The following ALS2 variants were observed in gnomAD, a reference collection of about 807,000 sequenced individuals.
ALS2 encodes the protein alsin.
In ALS2, 117 loss-of-function variants were observed where a neutral mutation model predicts 203.4. That is an observed-to-expected ratio of 0.58 (90% confidence interval 0.50 to 0.67). The LOEUF is 0.67. Among genes scored for constraint, ALS2 ranks in the 30% least tolerant of loss-of-function variants. The pLI, the probability that ALS2 is intolerant of heterozygous loss-of-function variation, is 0.00. For synonymous variants in ALS2, 718 were observed against 725.9 expected (o/e 0.99, Z 0.17); for missense variants, 1,715 against 1,989.4 (o/e 0.86, Z 2.62).
At chr2:201,769,014 A>C (rs1694244525) in intron 1 of ALS2, 69 bp from the exon 2 acceptor site, 3 of 752,368 alleles carry the variant, frequency 4.0e-6, no homozygotes, top group Non-Finnish European at 6.5e-6. Context: ...AAAAAAAAAA[A>C]AGCAGCCCTC....
chr2:201,708,049 A>T, intron 27 of ALS2, 58 bp from the exon 28 acceptor site: 1 of 1,511,842 alleles, frequency 6.6e-7, no homozygotes, highest in Admixed American at 1.7e-5. Context: ...GTTGAAAAGC[A>T]TAAAAACACA....
intron 8 of ALS2, among the ~76,000 whole-genome samples, chr2:201,747,462 C>CT (rs35304479): frequency 2.0e-3 from 267 of 133,682 alleles, no homozygotes; most frequent in East Asian, 4.1e-3. Flanking sequence ...CACTCGGTCG[C>CT]TTTTTTTTTT....
chr2:201,778,864 C>T lies in ALS2; in HGVS notation c.-61+2013G>A, dbSNP rs185278052. Among the ~76,000 whole-genome samples the T allele has an allele frequency of 4.3e-3, 657 of 152,262 alleles. 4 individuals carry two copies. The highest frequency in any genetic ancestry group is 7.3e-3 in the Non-Finnish European group (493 of 67,996). On this transcript the variant is annotated intron_variant, in intron 1 of 33. Coordinates refer to ENST00000264276, the MANE Select transcript of ALS2 (RefSeq NM_020919.4). ...GGTACCTCATAGTACCCAAAGCGGG[C>T]CTTCCTTTATACAAGCTTAAAAATC... is the stretch of plus-strand genomic sequence containing the variant.
At chr2:201,733,106 T>G (rs1322592663) in intron 13 of ALS2, among the ~76,000 whole-genome samples, 170 bp downstream of exon 13, 3 of 152,230 alleles carry the variant, frequency 2.0e-5, no homozygotes, top group Non-Finnish European at 4.4e-5. Flanking sequence ...AAACTCAATT[T>G]ATCTACAGTC....
At chr2:201,748,462 C>A (rs971424200) in intron 8 of ALS2, among the ~76,000 whole-genome samples, 3 of 152,096 alleles carry the variant, frequency 2.0e-5, no homozygotes, top group African/African-American at 7.2e-5. Flanking sequence ...AATAAAAAAA[C>A]CAAGCTCCCA....
intron 12 of ALS2, among the ~76,000 whole-genome samples, chr2:201,736,025 A>C (rs1017585975): frequency 6.6e-6 from 1 of 152,152 alleles, no homozygotes; most frequent in Non-Finnish European, 1.5e-5. Context: ...TTTCACCAAC[A>C]TTATAGGTTA....
At chr2:201,718,647 A>C (rs898481122) in intron 23 of ALS2, among the ~76,000 whole-genome samples, 1 of 152,076 alleles carries the variant, frequency 6.6e-6, no homozygotes, top group South Asian at 2.1e-4. Flanking sequence ...ACTCTTTAAA[A>C]CTCAAACAAA....
chr2:201,770,725 A>C (rs566916577), intron 1 of ALS2, among the ~76,000 whole-genome samples: 1 of 152,324 alleles, frequency 6.6e-6, no homozygotes, highest in South Asian at 2.1e-4. Flanking sequence ...ATGATGATGG[A>C]GGCAGGGTCA....
At chr2:201,718,536 C>T (rs933161614) in intron 23 of ALS2, among the ~76,000 whole-genome samples, 2 of 152,192 alleles carry the variant, frequency 1.3e-5, no homozygotes, top group African/African-American at 4.8e-5. Context: ...GCTGGGATTA[C>T]AGGCATGAGC....
chr2:201,751,325 C>T (rs1177108772), intron 7 of ALS2, among the ~76,000 whole-genome samples: 2 of 152,158 alleles, frequency 1.3e-5, no homozygotes, highest in African/African-American at 4.8e-5. Flanking sequence ...GCACTGCACG[C>T]ACATTTTCTC....
intron 1 of ALS2, among the ~76,000 whole-genome samples, chr2:201,772,395 A>T (rs754499872): frequency 6.6e-6 from 1 of 152,224 alleles, no homozygotes; most frequent in Non-Finnish European, 1.5e-5. Context: ...TCTGAAAATT[A>T]AAAGTTTTTT....
Position 201,757,758 on chromosome 2 carries a change from G to A in ALS2, c.1115C>T (p.Pro372Leu). ...EHGEKPVPSQ[P>L]LLEEAIPNLH... ...ATTAGGAATTGCTTCTTCTAAAAGA[G>A]GCTAAAATATACACACATAAAAAAT... The change falls in exon 5 of 34, where the codon CCT becomes CTT. Residue 372 changes from proline (P) to leucine (L), a missense_variant and splice_region_variant. This residue lies in a region of ALS2 where 476 missense variants were observed against 539.3 expected (regional missense o/e 0.88). Transcript: ENST00000264276. The A allele has an allele frequency of 6.2e-7, 1 of 1,603,366 alleles. No individual in the cohort carries two copies.
intron 29 of ALS2, among the ~76,000 whole-genome samples, chr2:201,705,994 A>G (rs551610894): frequency 4.7e-4 from 72 of 152,182 alleles, no homozygotes; most frequent in Non-Finnish European, 8.8e-4. Flanking sequence ...TGGTAGCACA[A>G]ATAGAGATTG....
At chr2:201,746,925 C>G (rs192795019) in intron 8 of ALS2, among the ~76,000 whole-genome samples, 177 bp from the exon 9 acceptor site, 1 of 152,100 alleles carries the variant, frequency 6.6e-6, no homozygotes, top group Non-Finnish European at 1.5e-5. Context: ...AGGAGTAAGA[C>G]GGAATCCCTT....
At chr2:201,780,355 G>A (rs1412194928) in intron 1 of ALS2, among the ~76,000 whole-genome samples, 3 of 152,152 alleles carry the variant, frequency 2.0e-5, no homozygotes, top group Admixed American at 6.5e-5. Context: ...TATTATCAAA[G>A]CTATTTTCTT....
chr2:201,765,205 T>C (rs1694016597), intron 3 of ALS2, among the ~76,000 whole-genome samples: 1 of 152,118 alleles, frequency 6.6e-6, no homozygotes, highest in African/African-American at 2.4e-5. Flanking sequence ...CTCCCTATGT[T>C]GCCCAGGAAA....
intron 3 of ALS2, among the ~76,000 whole-genome samples, chr2:201,765,128 G>A (rs1694011238): frequency 6.6e-6 from 1 of 152,056 alleles, no homozygotes; most frequent in Non-Finnish European, 1.5e-5. Context: ...CTCTGAAGTA[G>A]CTGGGACTAC....
chr2:201,749,938 T>C, intron 7 of ALS2, 149 bp from the exon 8 acceptor site: 4 of 710,416 alleles, frequency 5.6e-6, no homozygotes, highest in Non-Finnish European at 5.0e-6. Flanking sequence ...TTAACAGATA[T>C]TAAGGAAATT....
intron 17 of ALS2, 152 bp from the exon 18 acceptor site, chr2:201,727,018 CTGCTA>C: frequency 1.1e-6 from 1 of 878,068 alleles, no homozygotes; most frequent in Non-Finnish European, 1.8e-6. Context: ...TTGTATTTCT[CTGCTA>C]TATGTTTAAA....
Sources: gnomAD v4.1 joint callset for allele counts (sites outside exome capture counted in the v4.1 genomes callset) on GRCh38, gnomAD v4.1.1 for gene constraint, gnomAD v4.1.1 regional missense constraint, MANE v1.5 for transcripts, NCBI Gene and HGNC (gene_info 2026-07-23, HGNC 2026-07-21) for gene names.